Variants in COPG2 observed in about 807,000 individuals in gnomAD.
The protein encoded by COPG2 is coatomer subunit gamma-2.
COPG2 carries 37 observed loss-of-function variants against 46.3 expected under a neutral mutation model. The observed-to-expected ratio is 0.80, with a 90% CI of 0.61 to 1.05. The LOEUF (loss-of-function observed/expected upper bound fraction) is 1.05. Ranked by LOEUF, COPG2 falls within the 50% of genes least tolerant of loss-of-function variation. COPG2 has a pLI of 0.00. For synonymous variants in COPG2, 159 were observed against 129.7 expected (o/e 1.23, Z -1.53); for missense variants, 427 against 387.8 (o/e 1.10, Z -0.85).
Position 130,507,178 on chromosome 7 carries a change from G to C in COPG2, c.2485+96C>G, listed in dbSNP as rs2302825. 3.7e-3 allele frequency: 2,724 copies of C among 737,522 alleles called. 87 individuals carry two copies. In the East Asian group the frequency reaches 0.059, roughly 16 times the overall value. 45.7% of individuals were successfully genotyped at this position (737,522 alleles called of 1,614,324 possible). ...TATCAAATTGTTACTCATATAATGG[G>C]ATGATGGGACAACAGCAAGGCATAA... is the stretch of plus-strand genomic sequence containing the variant. On this transcript the variant is annotated intron_variant, in intron 23 of 23. Transcript: ENST00000425248.
intron 20 of COPG2, among the ~76,000 whole-genome samples, chr7:130,528,637 C>T (rs1259272331): frequency 6.6e-6 from 1 of 151,158 alleles, no homozygotes; most frequent in Admixed American, 6.6e-5. Context: ...GGAGAGACGA[C>T]CAACCTGCGC....
At chr7:130,584,950 C>A (rs986825556) in intron 9 of COPG2, among the ~76,000 whole-genome samples, 7 of 151,728 alleles carry the variant, frequency 4.6e-5, no homozygotes, top group Non-Finnish European at 1.5e-5. Flanking sequence ...TCATTCTTCA[C>A]AGAATTAGAA....
intron 4 of COPG2, among the ~76,000 whole-genome samples, chr7:130,661,714 G>A (rs1584618982): frequency 1.3e-5 from 2 of 152,300 alleles, no homozygotes; most frequent in African/African-American, 4.8e-5. Flanking sequence ...CTAACTAGTG[G>A]ATGCCATAGA....
intron 20 of COPG2, among the ~76,000 whole-genome samples, chr7:130,517,860 C>A (rs1799691996): frequency 1.3e-5 from 2 of 152,058 alleles, no homozygotes; most frequent in South Asian, 4.1e-4. Flanking sequence ...AAGCTGTGGA[C>A]TAAAAAGAAC....
At chr7:130,591,101 A>G in intron 9 of COPG2, among the ~76,000 whole-genome samples, 1 of 122,692 alleles carries the variant, frequency 8.2e-6, no homozygotes, top group Non-Finnish European at 1.8e-5. Context: ...TGGGGGGGTC[A>G]GCCCCCCGCC....
intron 20 of COPG2, among the ~76,000 whole-genome samples, chr7:130,529,410 G>T (rs1046632839): frequency 7.9e-5 from 12 of 152,086 alleles, no homozygotes; most frequent in African/African-American, 2.7e-4. Flanking sequence ...ACTCAAGATG[G>T]GTCCAGGAAG....
At chr7:130,593,464 G>A (rs1250321180) in intron 9 of COPG2, among the ~76,000 whole-genome samples, 1 of 152,114 alleles carries the variant, frequency 6.6e-6, no homozygotes, top group African/African-American at 2.4e-5. Flanking sequence ...ACAAGAGCTG[G>A]AAAATACTCT....
In COPG2 at chr7:130,507,150, G is replaced by T. The variant is rs924434172; in HGVS notation, c.2485+124C>A. ...GCAAAACAAATTATTCATTTTGACT[G>T]GGTATCAAATTGTTACTCATATAAT... is the stretch of plus-strand genomic sequence containing the variant. On this transcript the variant is annotated intron_variant, in intron 23 of 23. Coordinates refer to ENST00000425248, the MANE Select transcript of COPG2 (RefSeq NM_012133.6). 2.9e-5 allele frequency: 20 copies of T among 685,254 alleles called. No homozygotes were observed. In the African/African-American group the frequency reaches 3.4e-4, roughly 12 times the overall value. The allele number at this position is 685,254 out of a possible 1,614,324, so 42.4% of individuals were successfully genotyped here.
At chr7:130,520,887 A>G (rs1799718291) in intron 20 of COPG2, among the ~76,000 whole-genome samples, 2 of 152,242 alleles carry the variant, frequency 1.3e-5, no homozygotes, top group African/African-American at 2.4e-5. Context: ...GTAGGAGACC[A>G]TTTTGTATTA....
At chr7:130,510,936 A>G (rs781968887) in intron 20 of COPG2, 1 of 519,972 alleles carries the variant, frequency 1.9e-6, no homozygotes, top group Admixed American at 1.9e-5. Context: ...GCAAATACCA[A>G]AGAGAATCAG....
At chr7:130,552,245 A>C (rs1793542853) in intron 15 of COPG2, 110 bp downstream of exon 15, 3 of 394,274 alleles carry the variant, frequency 7.6e-6, no homozygotes, top group Non-Finnish European at 1.3e-5. Flanking sequence ...TGCTCCAATA[A>C]CTCTACTCTT....
intron 9 of COPG2, chr7:130,608,016 A>C (rs782540192): frequency 1.9e-4 from 65 of 341,350 alleles, no homozygotes; most frequent in Non-Finnish European, 3.2e-4. Flanking sequence ...CAGGAGGATT[A>C]AGCTGGCCAA....
chr7:130,599,380 A>T (rs1794590186), intron 9 of COPG2, among the ~76,000 whole-genome samples: 1 of 152,196 alleles, frequency 6.6e-6, no homozygotes, highest in Admixed American at 6.5e-5. Flanking sequence ...GCTCATTAAC[A>T]TACTAAGTCA....
At chr7:130,630,891 A>G (rs1795216056) in intron 5 of COPG2, among the ~76,000 whole-genome samples, 1 of 152,192 alleles carries the variant, frequency 6.6e-6, no homozygotes, top group African/African-American at 2.4e-5. Context: ...AAGAAATCCA[A>G]TCTGAGCTGG....
At chr7:130,525,970 C>CCTAAATGAGTGACCTGGACAGA (rs1799770586) in intron 20 of COPG2, among the ~76,000 whole-genome samples, 1 of 152,038 alleles carries the variant, frequency 6.6e-6, no homozygotes, top group East Asian at 1.9e-4. Flanking sequence ...ACCTGGACAG[C>CCTAAATGAGTGACCTGGACAGA]CTGAATGGGT....
intron 5 of COPG2, among the ~76,000 whole-genome samples, chr7:130,640,309 G>A (rs950248596): frequency 3.3e-5 from 5 of 151,682 alleles, no homozygotes; most frequent in Non-Finnish European, 7.4e-5. Context: ...AATTAACCAT[G>A]AAACTCACTG....
intron 9 of COPG2, among the ~76,000 whole-genome samples, chr7:130,577,760 T>C (rs1554446467): frequency 9.1e-6 from 1 of 110,222 alleles, no homozygotes. Context: ...AGAGCGAGAC[T>C]CCGTCTCAAA....
chr7:130,664,580 T>A (rs1297751705), intron 3 of COPG2, among the ~76,000 whole-genome samples: 2 of 152,346 alleles, frequency 1.3e-5, no homozygotes, highest in East Asian at 1.9e-4. Flanking sequence ...AGAGATAAAA[T>A]TTATGTTCCC....
intron 9 of COPG2, among the ~76,000 whole-genome samples, chr7:130,571,246 T>C (rs1476320820): frequency 1.3e-5 from 2 of 152,056 alleles, no homozygotes; most frequent in East Asian, 3.8e-4. Context: ...ATAATCAGCA[T>C]AGTAAACAGA....
Sources: gnomAD v4.1 joint callset for allele counts (sites outside exome capture counted in the v4.1 genomes callset) on GRCh38, gnomAD v4.1.1 for gene constraint, MANE v1.5 for transcripts, NCBI Gene and HGNC (gene_info 2026-07-23, HGNC 2026-07-21) for gene names.